The following SMYD3 variants were observed in gnomAD, a reference collection of about 807,000 sequenced individuals.
SMYD3 encodes the protein histone-lysine N-methyltransferase SMYD3.
In SMYD3, 36 loss-of-function variants were observed where a neutral mutation model predicts 57.7. The observed-to-expected ratio is 0.62, with a 90% CI of 0.48 to 0.82. The LOEUF (loss-of-function observed/expected upper bound fraction) is 0.82. Ranked by LOEUF, SMYD3 falls within the 40% of genes least tolerant of loss-of-function variation. The pLI is 0.00. For synonymous variants in SMYD3, 211 were observed against 195.0 expected, an observed-to-expected ratio of 1.08 and a Z score of -0.68; for missense variants, 515 against 538.8, an observed-to-expected ratio of 0.96 and a Z score of 0.44.
intron 9 of SMYD3, among the ~76,000 whole-genome samples, chr1:245,863,548 G>T (rs12048995): frequency 0.16 from 24,208 of 152,150 alleles, 2,790 homozygotes; most frequent in East Asian, 0.58. Context: ...TCCTACTACT[G>T]CTAGGCCATG....
At chr1:245,888,754 C>T (rs1467778864) in intron 8 of SMYD3, among the ~76,000 whole-genome samples, 1 of 152,184 alleles carries the variant, frequency 6.6e-6, no homozygotes, top group Non-Finnish European at 1.5e-5. Flanking sequence ...CAATCAATAA[C>T]ATGCAGAAAG....
At chr1:245,892,718 C>A (rs1181873683) in intron 8 of SMYD3, among the ~76,000 whole-genome samples, 1 of 152,146 alleles carries the variant, frequency 6.6e-6, no homozygotes, top group African/African-American at 2.4e-5. Context: ...ATTATGCATA[C>A]ACATAAATTA....
intron 5 of SMYD3, among the ~76,000 whole-genome samples, chr1:245,969,921 A>T (rs556193527): frequency 6.6e-6 from 1 of 152,180 alleles, no homozygotes; most frequent in Non-Finnish European, 1.5e-5. Context: ...AACATATAAA[A>T]ATGTCAATGT....
At chr1:245,782,795 A>G (rs1195765725) in intron 10 of SMYD3, among the ~76,000 whole-genome samples, 3 of 152,260 alleles carry the variant, frequency 2.0e-5, no homozygotes, top group Non-Finnish European at 2.9e-5. Flanking sequence ...ACTAGGGCCA[A>G]TGCCTGAGTC....
chr1:246,029,969 T>C (rs996821999), intron 5 of SMYD3, among the ~76,000 whole-genome samples: 14 of 150,240 alleles, frequency 9.3e-5, no homozygotes, highest in African/African-American at 2.7e-4. Flanking sequence ...TACCATAGGA[T>C]CCAGCAATCC....
At chr1:246,150,488 T>A (rs2061924205) in intron 5 of SMYD3, among the ~76,000 whole-genome samples, 1 of 152,234 alleles carries the variant, frequency 6.6e-6, no homozygotes, top group Non-Finnish European at 1.5e-5. Flanking sequence ...GGCCTAGTAT[T>A]ACAAAGGTAT....
intron 1 of SMYD3, among the ~76,000 whole-genome samples, chr1:246,500,654 T>C (rs2068442995): frequency 6.6e-6 from 1 of 152,154 alleles, no homozygotes; most frequent in Non-Finnish European, 1.5e-5. Context: ...ATGGCTATCA[T>C]GAGGGGAAGT....
intron 5 of SMYD3, among the ~76,000 whole-genome samples, chr1:246,121,205 A>C (rs1243440409): frequency 6.8e-6 from 1 of 146,212 alleles, no homozygotes; most frequent in Non-Finnish European, 1.5e-5. Flanking sequence ...ACATTATCCT[A>C]ATACATAATT....
Position 246,022,809 on chromosome 1 carries a change from G to A in SMYD3, c.532-92872C>T, listed in dbSNP as rs1007952611. Among the ~76,000 whole-genome samples the A allele has an allele frequency of 2.6e-5, 4 of 152,182 alleles. No homozygotes were observed. In the East Asian group the frequency reaches 7.7e-4, roughly 29 times the overall value. On this transcript the variant is annotated intron_variant, in intron 5 of 11. Transcript: ENST00000490107. Reference sequence around the variant, plus strand: ...TTCAAAAATTAGGAGTGGCTGGGAGGAGAAGGCTTTCACTTCGCACTTTCC... The same window carrying A: ...TTCAAAAATTAGGAGTGGCTGGGAGAAGAAGGCTTTCACTTCGCACTTTCC...
At chr1:245,932,086 G>C (rs887225054) in intron 5 of SMYD3, among the ~76,000 whole-genome samples, 1 of 152,018 alleles carries the variant, frequency 6.6e-6, no homozygotes, top group Admixed American at 6.6e-5. Context: ...GTATAATTTG[G>C]GAAGGGATAC....
rs562544869 is a variant in SMYD3 at position 246,121,429 on chromosome 1, T to C, written c.532-191492A>G. ...TATGAATTTTGAAATTCCTTCCATT[T>C]TGCAAAAAAAAAAAAAAAAAAAAAG... On this transcript the variant is annotated intron_variant, in intron 5 of 11. Transcript: ENST00000490107. Among the ~76,000 whole-genome samples the C allele has an allele frequency of 6.1e-4, 39 of 63,514 alleles. 1 individual carries two copies. In the East Asian group the frequency reaches 0.012, roughly 19 times the overall value. The allele number at this position is 63,514 out of a possible 152,430, so 41.7% of individuals were successfully genotyped here. A position where few individuals can be genotyped will look rare whatever the true frequency, so the allele number is the denominator to read the frequency against.
chr1:245,998,530 G>C (rs900866582), intron 5 of SMYD3, among the ~76,000 whole-genome samples: 1 of 152,282 alleles, frequency 6.6e-6, no homozygotes, highest in Non-Finnish European at 1.5e-5. Context: ...TATTGGTGAG[G>C]ATGTAGAGAA....
intron 5 of SMYD3, among the ~76,000 whole-genome samples, chr1:246,262,159 G>A (rs1264426156): frequency 6.6e-6 from 1 of 152,164 alleles, no homozygotes; most frequent in African/African-American, 2.4e-5. Context: ...GTGCAGATGT[G>A]AGTAGATATA....
intron 4 of SMYD3, among the ~76,000 whole-genome samples, chr1:246,329,435 T>C (rs560669770): frequency 6.6e-6 from 1 of 152,372 alleles, no homozygotes; most frequent in South Asian, 2.1e-4. Context: ...ATTTCTCTGA[T>C]GGCCAGTGAT....
chr1:245,963,254 C>A (rs1463759076), intron 5 of SMYD3, among the ~76,000 whole-genome samples: 1 of 152,126 alleles, frequency 6.6e-6, no homozygotes, highest in Non-Finnish European at 1.5e-5. Flanking sequence ...TAAATATACA[C>A]AACTATAATT....
At chr1:246,337,049 A>C (rs1172861153) in intron 2 of SMYD3, among the ~76,000 whole-genome samples, 2 of 152,224 alleles carry the variant, frequency 1.3e-5, no homozygotes, top group Non-Finnish European at 2.9e-5. Flanking sequence ...ATGGCCTTTC[A>C]TATGACTTCT....
intron 1 of SMYD3, among the ~76,000 whole-genome samples, chr1:246,459,472 CG>C (rs2067762047): frequency 1.4e-5 from 2 of 147,084 alleles, no homozygotes; most frequent in African/African-American, 5.0e-5. Flanking sequence ...CTGCTATTCT[CG>C]CAATAAGAGT....
At chr1:245,818,564 T>G (rs1175287693) in intron 10 of SMYD3, among the ~76,000 whole-genome samples, 1 of 151,974 alleles carries the variant, frequency 6.6e-6, no homozygotes, top group Non-Finnish European at 1.5e-5. Context: ...TAAACGTAAA[T>G]GGACTAAATG....
chr1:245,914,937 G>T (rs1198027495), intron 8 of SMYD3, among the ~76,000 whole-genome samples: 1 of 152,132 alleles, frequency 6.6e-6, no homozygotes, highest in Non-Finnish European at 1.5e-5. Context: ...CGGTTATCAG[G>T]GGTTGGGGTA....
Sources: allele counts gnomAD v4.1 joint callset (sites outside exome capture counted in the v4.1 genomes callset), GRCh38; gene constraint gnomAD v4.1.1; transcripts MANE v1.5; gene names NCBI Gene and HGNC (gene_info 2026-07-23, HGNC 2026-07-21).